Variants in DTWD1 observed in about 807,000 individuals in gnomAD.
The protein encoded by DTWD1 is tRNA-uridine aminocarboxypropyltransferase 1.
In DTWD1, 27 loss-of-function variants were observed where a neutral mutation model predicts 30.2. That is an observed-to-expected ratio of 0.90 (90% CI 0.66 to 1.23). The LOEUF is 1.23. DTWD1 is among the 50% of genes most tolerant of loss of function. DTWD1 has a pLI of 0.00. For missense variants in DTWD1, 342 were observed against 348.8 expected, an observed-to-expected ratio of 0.98 and a Z score of 0.15; for synonymous variants, 99 against 113.1, an observed-to-expected ratio of 0.88 and a Z score of 0.79.
chr15:49,632,404 T>G (rs888864283), intron 3 of DTWD1, 102 bp downstream of exon 3: 2 of 1,158,422 alleles, frequency 1.7e-6, no homozygotes, highest in African/African-American at 3.2e-5. Context: ...AATATTTTTC[T>G]TAGTAAAGTA....
chr15:49,623,573 T>C (rs762249701), intron 1 of DTWD1: 1 of 152,184 alleles, frequency 6.6e-6, no homozygotes, highest in Non-Finnish European at 1.5e-5. Context: ...CTTCCCAAGC[T>C]TGGAACTTCC....
chr15:49,625,470 G>T (rs1330050783), intron 2 of DTWD1, 39 bp downstream of exon 2: 1 of 1,559,850 alleles, frequency 6.4e-7, no homozygotes, highest in Non-Finnish European at 8.7e-7. Context: ...TATGAAAATA[G>T]ATTTTTTAAA....
In DTWD1 at chr15:49,644,596, G is replaced by GA. The variant is rs35761225; in HGVS notation, c.*1022dup. ...CCAGTGGGAGATTAGAAGTTGAGAG[G>GA]AAAATGAAATGATGTTATTTATTTC... On this transcript the variant is annotated 3_prime_UTR_variant, in exon 5 of 5. Coordinates refer to ENST00000403028, the MANE Select transcript of DTWD1 (RefSeq NM_001144955.2). 6.6e-6 allele frequency: 1 copy of GA among 152,120 alleles called. No homozygotes were observed. The highest frequency in any genetic ancestry group is 1.5e-5 in the Non-Finnish European group (1 of 68,052). The allele number at this position is 152,120 out of a possible 1,614,324, so 9.4% of individuals were successfully genotyped here.
chr15:49,634,491 G>C (rs201814383), intron 3 of DTWD1, 45 bp from the exon 4 acceptor site: 152 of 1,504,050 alleles, frequency 1.0e-4, no homozygotes, highest in Non-Finnish European at 1.1e-4. Flanking sequence ...TATATATTTT[G>C]AAGATCATAG....
intron 1 of DTWD1, among the ~76,000 whole-genome samples, chr15:49,622,655 A>G (rs1334634763): frequency 6.6e-6 from 1 of 152,172 alleles, no homozygotes; most frequent in African/African-American, 2.4e-5. Context: ...AAAATTTTAA[A>G]TAACCCCATT....
intron 4 of DTWD1, among the ~76,000 whole-genome samples, chr15:49,640,655 C>T (rs2079055168): frequency 6.7e-6 from 1 of 150,318 alleles, no homozygotes; most frequent in African/African-American, 2.5e-5. Context: ...TCATTGTCAT[C>T]TTCATTTACT....
chr15:49,653,646 C>T lies in DTWD1; in HGVS notation c.*10068C>T, dbSNP rs962254520. The T allele has an allele frequency of 6.6e-6, 1 of 152,050 alleles. No homozygotes were observed. Among genetic ancestry groups the T allele is most frequent in the Non-Finnish European group, 1.5e-5 (1 of 68,000 alleles). 9.4% of individuals were successfully genotyped at this position (152,050 alleles called of 1,614,324 possible). ...GATTGAGTTATGCATTGACAGAATG[C>T]TTAGCAATAATTTTGCTTGTCTTAA... On this transcript the variant is annotated 3_prime_UTR_variant, in exon 5 of 5. Transcript: ENST00000403028.
Position 49,631,679 on chromosome 15 carries a change from T to C in DTWD1, c.265-480T>C, listed in dbSNP as rs573935295. The stretch of plus-strand genomic sequence containing the variant: ...ACTTGGGAGGCTGGGGCAGAATTGC[T>C]TAACCCAGGAGACGGAGGTTGCAGT... On this transcript the variant is annotated intron_variant, in intron 2 of 4. Transcript: ENST00000403028. Among the ~76,000 whole-genome samples the C allele has an allele frequency of 9.9e-5, 15 of 152,248 alleles. No homozygotes were observed. In the East Asian group the frequency reaches 2.9e-3, roughly 29 times the overall value.
At position 49,643,635 on chromosome 15, in the gene DTWD1, G is replaced by C; in HGVS notation, c.*57G>C. On this transcript the variant is annotated 3_prime_UTR_variant, in exon 5 of 5. Coordinates refer to ENST00000403028, the MANE Select transcript of DTWD1 (RefSeq NM_001144955.2). ...TGCTAACATTAATAAACTTATATTT[G>C]TGCTTTGTTTTTTCTTAAGAAATAA... is the stretch of plus-strand genomic sequence containing the variant. The C allele has an allele frequency of 6.7e-7, 1 of 1,495,596 alleles. No individual in the cohort carries two copies. The highest frequency in any genetic ancestry group is 8.9e-7 in the Non-Finnish European group (1 of 1,117,780). The allele number at this position is 1,495,596 out of a possible 1,614,324, so 92.6% of individuals were successfully genotyped here. A position where few individuals can be genotyped will look rare whatever the true frequency, so the allele number is the denominator to read the frequency against.
At chr15:49,632,076 T>C in intron 2 of DTWD1, 83 bp from the exon 3 acceptor site, 1 of 1,168,212 alleles carries the variant, frequency 8.6e-7, no homozygotes, top group Non-Finnish European at 1.2e-6. Flanking sequence ...GTGAGCTTCC[T>C]ATTTAGCTTT....
intron 2 of DTWD1, chr15:49,630,840 G>A (rs186647593): frequency 8.0e-5 from 15 of 187,416 alleles, no homozygotes; most frequent in Admixed American, 6.9e-4. Context: ...CCCATCACTC[G>A]CATTACCACC....
chr15:49,625,678 C>G (rs921583609), intron 2 of DTWD1, among the ~76,000 whole-genome samples: 2 of 152,118 alleles, frequency 1.3e-5, no homozygotes, highest in Admixed American at 1.3e-4. Flanking sequence ...GATTTTTAAC[C>G]CTAATGCAGT....
rs1555588610 is a variant in DTWD1, at chr15:49,633,049, C to CTATA, written c.408+765_408+768dup. Among the ~76,000 whole-genome samples the CTATA allele has an allele frequency of 5.9e-3, 698 of 117,326 alleles. 7 individuals are homozygous for CTATA. Among genetic ancestry groups the CTATA allele is most frequent in the African/African-American group, 0.018 (536 of 29,948 alleles). The allele number at this position is 117,326 out of a possible 152,430, so 77.0% of individuals were successfully genotyped here. Reference sequence around the variant, plus strand: ...TTTACTTTCCTATTTATATCTATATCTATATATATATATATATATATGTAT... The same window carrying CTATA: ...TTTACTTTCCTATTTATATCTATATCTATATATATATATATATATATATATGTAT... On this transcript the variant is annotated intron_variant, in intron 3 of 4. Coordinates refer to ENST00000403028, the MANE Select transcript of DTWD1 (RefSeq NM_001144955.2).
At chr15:49,622,795 C>G (rs539152699) in intron 1 of DTWD1, among the ~76,000 whole-genome samples, 1 of 152,280 alleles carries the variant, frequency 6.6e-6, no homozygotes, top group East Asian at 1.9e-4. Context: ...AATTGCTGGC[C>G]TCTTCTACGT....
chr15:49,649,872 G>A lies in DTWD1; in HGVS notation c.*6294G>A, dbSNP rs949848041. ...GTCTAGGTGATGGCTATAGCATGCC[G>A]AGGTAGTAAGTGCTAAGAAGAAAAT... is the stretch of plus-strand genomic sequence containing the variant. On this transcript the variant is annotated 3_prime_UTR_variant, in exon 5 of 5. Coordinates refer to ENST00000403028, the MANE Select transcript of DTWD1 (RefSeq NM_001144955.2). The A allele has an allele frequency of 1.6e-4, 25 of 152,134 alleles. No individual in the cohort carries two copies. The highest frequency in any genetic ancestry group is 5.3e-4 in the African/African-American group (22 of 41,414). 9.4% of individuals were successfully genotyped at this position (152,134 alleles called of 1,614,324 possible).
In DTWD1 at chr15:49,650,304, CTT is replaced by C. The variant is rs1489938607; in HGVS notation, c.*6727_*6728del. On this transcript the variant is annotated 3_prime_UTR_variant, in exon 5 of 5. Coordinates refer to ENST00000403028, the MANE Select transcript of DTWD1 (RefSeq NM_001144955.2). ...TAAGCAAATGAGTGACAGGATCTGA[CTT>C]ATATTTTTAAAGGATTATTTGGCTT... 3 of 152,032 alleles carry C rather than the reference CTT, an allele frequency of 2.0e-5. No homozygotes were observed. Among genetic ancestry groups the C allele is most frequent in the South Asian group, 4.2e-4 (2 of 4,812 alleles). The allele number at this position is 152,032 out of a possible 1,614,324, so 9.4% of individuals were successfully genotyped here.
chr15:49,628,681 C>T (rs376640645), intron 2 of DTWD1, among the ~76,000 whole-genome samples: 4 of 152,000 alleles, frequency 2.6e-5, no homozygotes, highest in South Asian at 4.1e-4. Flanking sequence ...CATAAGTGTT[C>T]GAGAGCAGAT....
chr15:49,646,655 A>G lies in DTWD1; in HGVS notation c.*3077A>G, dbSNP rs1433541686. The G allele has an allele frequency of 5.3e-5, 8 of 152,268 alleles. No individual in the cohort carries two copies. In the South Asian group the frequency reaches 1.5e-3, roughly 28 times the overall value. The allele number at this position is 152,268 out of a possible 1,614,324, so 9.4% of individuals were successfully genotyped here. On this transcript the variant is annotated 3_prime_UTR_variant, in exon 5 of 5. Transcript: ENST00000403028. ...AATTGCTCTTCTTCTGATGGACTGT[A>G]TAGAGACACTGTTTTTCATCTTGCC...
At chr15:49,627,590 A>G (rs187175377) in intron 2 of DTWD1, among the ~76,000 whole-genome samples, 6 of 152,330 alleles carry the variant, frequency 3.9e-5, no homozygotes, top group Non-Finnish European at 1.5e-5. Context: ...AGCCTACTAT[A>G]CACCTGGGCA....
Sources: gnomAD v4.1 joint callset for allele counts (sites outside exome capture counted in the v4.1 genomes callset) on GRCh38, gnomAD v4.1.1 for gene constraint, MANE v1.5 for transcripts, NCBI Gene and HGNC (gene_info 2026-07-23, HGNC 2026-07-21) for gene names.